The following CPNE2 variants were observed in gnomAD, a reference collection of about 807,000 sequenced individuals.
The protein encoded by CPNE2 is copine-2.
A neutral mutation model predicts 69.7 loss-of-function variants in CPNE2; 42 were observed. That is an observed-to-expected ratio of 0.60 (90% CI 0.47 to 0.78). The LOEUF (loss-of-function observed/expected upper bound fraction) is 0.78, where lower values mean the gene tolerates loss of function less well. Ranked by LOEUF, CPNE2 falls within the 30% of genes least tolerant of loss-of-function variation. The pLI is 0.00. For synonymous variants in CPNE2, 294 were observed against 289.8 expected (o/e 1.01, Z -0.15); for missense variants, 587 against 732.0 (o/e 0.80, Z 2.29).
chr16:57,146,590 C>T lies in CPNE2; in HGVS notation c.1539+269C>T, dbSNP rs1308072726. On this transcript the variant is annotated intron_variant, in intron 15 of 15. Coordinates refer to ENST00000290776, the MANE Select transcript of CPNE2 (RefSeq NM_152727.6). The surrounding 1 kb of genome is among the most constrained non-coding windows in gnomAD (Gnocchi z 4.4). Reference sequence around the variant, plus strand: ...AGCCTGAGGCTCTGGGGCAGGGCTTCCTGGAGGACCTGCCCTCTAGTGGGG... The same window carrying T: ...AGCCTGAGGCTCTGGGGCAGGGCTTTCTGGAGGACCTGCCCTCTAGTGGGG... 3 of 461,240 alleles carry T rather than the reference C, an allele frequency of 6.5e-6. No homozygotes were observed. Among genetic ancestry groups the T allele is most frequent in the African/African-American group, 2.0e-5 (1 of 50,678 alleles). 28.6% of individuals were successfully genotyped at this position (461,240 alleles called of 1,614,324 possible). A position where few individuals can be genotyped will look rare whatever the true frequency, so the allele number is the denominator to read the frequency against.
chr16:57,139,455 C>T (rs1279629922), intron 14 of CPNE2, among the ~76,000 whole-genome samples: 1 of 152,186 alleles, frequency 6.6e-6, no homozygotes, highest in African/African-American at 2.4e-5. Flanking sequence ...CTGTAATTTC[C>T]AATCTGTAGC....
At chr16:57,112,971 G>T (rs553605325) in intron 2 of CPNE2, 5 of 235,492 alleles carry the variant, frequency 2.1e-5, no homozygotes, top group Non-Finnish European at 4.1e-5. Flanking sequence ...CCAGGCAGGG[G>T]CAGGGCCTGA....
intron 13 of CPNE2, among the ~76,000 whole-genome samples, chr16:57,135,932 A>G (rs373341347): frequency 7.3e-6 from 1 of 137,782 alleles, no homozygotes; most frequent in African/African-American, 2.7e-5. Flanking sequence ...AGAGACAGAG[A>G]GAAAGGAAAG....
rs748913735 is a variant in CPNE2, at chr16:57,119,611, G to A, written c.642G>A (p.Leu214=). The part of the protein sequence containing the change: ...DPVWKPFTVP[L]VSLCDGDMEK... ...TGTGGAAGCCATTCACAGTGCCCTT[G>A]GTGTCCCTGTGTGATGGGGACATGG... Residue 214 remains leucine (L), a synonymous_variant, in exon 7 of 16, where the codon TTG becomes TTA. Transcript: ENST00000290776. 4.3e-6 allele frequency: 7 copies of A among 1,613,020 alleles called. No homozygotes were observed. In the Admixed American group the frequency reaches 6.7e-5, roughly 15 times the overall value.
intron 3 of CPNE2, among the ~76,000 whole-genome samples, chr16:57,114,489 C>T (rs1325105221): frequency 1.3e-5 from 2 of 152,230 alleles, no homozygotes; most frequent in Non-Finnish European, 2.9e-5. Context: ...GCCCATCCCC[C>T]CAACTGGCTG....
intron 1 of CPNE2, among the ~76,000 whole-genome samples, chr16:57,101,872 AAC>A (rs1404909507): frequency 1.3e-5 from 2 of 152,126 alleles, no homozygotes; most frequent in African/African-American, 2.4e-5. Flanking sequence ...AGCATGTTAA[AAC>A]ACAGGCCTAC....
At chr16:57,139,661 C>A (rs1297927528) in intron 14 of CPNE2, among the ~76,000 whole-genome samples, 1 of 152,174 alleles carries the variant, frequency 6.6e-6, no homozygotes, top group Non-Finnish European at 1.5e-5. Context: ...GGTCTGATTT[C>A]TTTCGCTGTC....
At chr16:57,113,540 CTG>C (rs1172860424) in intron 3 of CPNE2, 73 bp downstream of exon 3, 1 of 1,448,840 alleles carries the variant, frequency 6.9e-7, no homozygotes, top group African/African-American at 1.4e-5. Flanking sequence ...TCTTCTCGTG[CTG>C]TCTTTCCCTA....
intron 5 of CPNE2, among the ~76,000 whole-genome samples, 195 bp downstream of exon 5, chr16:57,117,762 G>T (rs1406217943): frequency 2.0e-5 from 3 of 152,152 alleles, no homozygotes; most frequent in African/African-American, 4.8e-5. Flanking sequence ...TCCCTTAGGG[G>T]TATTCAAAAC....
chr16:57,118,995 G>A (rs551493794), intron 5 of CPNE2, among the ~76,000 whole-genome samples, 200 bp from the exon 6 acceptor site: 1 of 151,998 alleles, frequency 6.6e-6, no homozygotes, highest in East Asian at 1.9e-4. Flanking sequence ...TCTGCTGGGG[G>A]ACCTGGTTGA....
intron 1 of CPNE2, chr16:57,093,973 C>A (rs527952652): frequency 8.9e-6 from 4 of 451,224 alleles, no homozygotes; most frequent in Admixed American, 4.7e-5. Flanking sequence ...GACCCTCCCC[C>A]CCTGTGGCCC....
chr16:57,113,272 C>T lies in CPNE2; in HGVS notation c.181-16C>T, dbSNP rs747782924. 3.7e-6 allele frequency: 6 copies of T among 1,610,084 alleles called. No individual in the cohort carries two copies. Among genetic ancestry groups the T allele is most frequent in the Non-Finnish European group, 3.4e-6 (4 of 1,177,580 alleles). On this transcript the variant is annotated splice_polypyrimidine_tract_variant and intron_variant, in intron 2 of 15. Transcript: ENST00000290776. ...CTGCCTTGACTCTGACTTCCATTTT[C>T]CTGCCCCTCTGCTAGTACGACAGGA...
intron 1 of CPNE2, among the ~76,000 whole-genome samples, chr16:57,109,018 C>A (rs1283917122): frequency 1.3e-5 from 2 of 152,044 alleles, no homozygotes; most frequent in African/African-American, 4.8e-5. Flanking sequence ...TGTGTATGAG[C>A]TAGAGATACA....
rs1230222765 is a variant in CPNE2, at chr16:57,147,649, G to C, written c.1638G>C (p.Glu546Asp). The change falls in exon 16 of 16, where the codon GAG becomes GAC. Residue 546 changes from glutamate to aspartate, a missense_variant. Physicochemically the swap from Glu to Asp is conservative, Grantham distance 45. This residue lies in a region of CPNE2 where 185 missense variants were observed against 252.3 expected (regional missense o/e 0.73). Transcript: ENST00000290776. ...KHKNLPPTNS[E>D]PA ...AAAACCTGCCCCCCACCAACTCGGA[G>C]CCCGCCTGAGCTCCAGTGCCCAGCA... 6.3e-7 allele frequency: 1 copy of C among 1,599,198 alleles called. No homozygotes were observed. The highest frequency in any genetic ancestry group is 1.1e-5 in the South Asian group (1 of 89,182).
chr16:57,103,070 A>G (rs1341718599), intron 1 of CPNE2, among the ~76,000 whole-genome samples: 1 of 152,176 alleles, frequency 6.6e-6, no homozygotes, highest in Non-Finnish European at 1.5e-5. Flanking sequence ...TGACCAGGCA[A>G]CCACGCCCCT....
chr16:57,147,651 C>T lies in CPNE2; in HGVS notation c.1640C>T (p.Pro547Leu), dbSNP rs766493800. Residue 547 changes from proline (P) to leucine (L), a missense_variant, in exon 16 of 16, where the codon CCC becomes CTC. Around this residue, in one of 5 missense-constraint regions of CPNE2, gnomAD observed 185 missense variants for 252.3 expected, o/e 0.73. Coordinates refer to ENST00000290776, the MANE Select transcript of CPNE2 (RefSeq NM_152727.6). ...AACCTGCCCCCCACCAACTCGGAGCCCGCCTGAGCTCCAGTGCCCAGCAGC... is the reference window on the plus strand; with the variant it reads ...AACCTGCCCCCCACCAACTCGGAGCTCGCCTGAGCTCCAGTGCCCAGCAGC... ...HKNLPPTNSE[P>L]A 1.3e-6 allele frequency: 2 copies of T among 1,599,488 alleles called. No individual in the cohort carries two copies. The highest frequency in any genetic ancestry group is 1.7e-6 in the Non-Finnish European group (2 of 1,170,078).
intron 4 of CPNE2, 100 bp downstream of exon 4, chr16:57,115,650 T>C: frequency 1.2e-6 from 1 of 857,882 alleles, no homozygotes; most frequent in Non-Finnish European, 1.8e-6. Context: ...CCAGCTTTGT[T>C]TGGAGTAAAA....
chr16:57,113,173 A>G, intron 2 of CPNE2, 115 bp from the exon 3 acceptor site: 2 of 964,232 alleles, frequency 2.1e-6, no homozygotes, highest in East Asian at 4.9e-5. Context: ...CGATGACCAC[A>G]AGAGCCTGGC....
intron 10 of CPNE2, chr16:57,125,480 G>C: frequency 2.5e-6 from 1 of 405,548 alleles, no homozygotes; most frequent in Non-Finnish European, 5.0e-6. Context: ...GGAAGATGGA[G>C]CAAAGTTAGA....
Sources: gnomAD v4.1 joint callset for allele counts (sites outside exome capture counted in the v4.1 genomes callset) on GRCh38, gnomAD v4.1.1 for gene constraint, gnomAD v4.1.1 regional missense constraint, Gnocchi (gnomAD v3.1) non-coding constraint, MANE v1.5 for transcripts, NCBI Gene and HGNC (gene_info 2026-07-23, HGNC 2026-07-21) for gene names.